The following DSE variants were observed in gnomAD, a reference collection of about 807,000 sequenced individuals.
DSE encodes the protein dermatan-sulfate epimerase.
In DSE, 36 loss-of-function variants were observed where a neutral mutation model predicts 84.4. That is an observed-to-expected ratio of 0.43 (90% CI 0.33 to 0.56). The LOEUF (loss-of-function observed/expected upper bound fraction) is 0.56. Among genes scored for constraint, DSE ranks in the 20% least tolerant of loss-of-function variants. DSE has a pLI of 0.06. For synonymous variants in DSE, 410 were observed against 430.1 expected (o/e 0.95, Z 0.58); for missense variants, 862 against 1,169.6 (o/e 0.74, Z 3.84).
chr6:116,272,858 T>G (rs577932206), intron 2 of DSE, among the ~76,000 whole-genome samples: 1 of 152,364 alleles, frequency 6.6e-6, no homozygotes, highest in Non-Finnish European at 1.5e-5. Context: ...ATGGAAATTT[T>G]AATTGATTGC....
rs936531676 is a variant in DSE, at chr6:116,443,818, A to G, written c.*6473A>G. On this transcript the variant is annotated 3_prime_UTR_variant, in exon 6 of 6. Coordinates refer to ENST00000644252, the MANE Select transcript of DSE (RefSeq NM_013352.4). The stretch of plus-strand genomic sequence containing the variant: ...ATTTAGGAATTCTTTTCTGAACAAA[A>G]AAACGTTTTCAATGGTCTAGGCACT... 2.0e-5 allele frequency: 3 copies of G among 152,194 alleles called. No homozygotes were observed. The highest frequency in any genetic ancestry group is 4.8e-5 in the African/African-American group (2 of 41,446). 9.4% of individuals were successfully genotyped at this position (152,194 alleles called of 1,614,324 possible).
At chr6:116,254,734 A>G (rs1038671170) in intron 1 of DSE, 1 of 154,372 alleles carries the variant, frequency 6.5e-6, no homozygotes, top group Non-Finnish European at 1.4e-5. Context: ...TTCCTTACGT[A>G]GAGGTGACTG....
chr6:116,415,959 G>C (rs917683219), intron 2 of DSE, among the ~76,000 whole-genome samples: 3 of 152,186 alleles, frequency 2.0e-5, no homozygotes, highest in African/African-American at 7.2e-5. Context: ...GTGTAACACA[G>C]GGCTAAAATC....
intron 2 of DSE, among the ~76,000 whole-genome samples, chr6:116,318,264 T>C (rs532476068): frequency 1.2e-4 from 19 of 152,130 alleles, no homozygotes; most frequent in Admixed American, 1.2e-3. Flanking sequence ...CCCAACACTT[T>C]GGGAGGCCAA....
Position 116,386,664 on chromosome 6 carries a change from T to C in DSE, c.-53-12534T>C, listed in dbSNP as rs541287516. On this transcript the variant is annotated intron_variant, in intron 1 of 5. Transcript: ENST00000644252. ...GACTCCAGCCTCTCCAGAGCAAAGA[T>C]AGGAGTTTATCATGAGTCATCTAGT... Among the ~76,000 whole-genome samples, 28 of 152,330 alleles carry C rather than the reference T, an allele frequency of 1.8e-4. 1 individual carries two copies. In the South Asian group the frequency reaches 5.0e-3, roughly 27 times the overall value.
intron 2 of DSE, among the ~76,000 whole-genome samples, chr6:116,354,771 C>T (rs758347119): frequency 3.9e-5 from 6 of 152,016 alleles, no homozygotes; most frequent in Non-Finnish European, 8.8e-5. Context: ...ACAGTTTTTC[C>T]TGTAATTATA....
intron 2 of DSE, among the ~76,000 whole-genome samples, chr6:116,333,496 C>A (rs1357982902): frequency 6.6e-6 from 1 of 152,156 alleles, no homozygotes; most frequent in Non-Finnish European, 1.5e-5. Flanking sequence ...TTGTAAACTC[C>A]CCATCTCCCA....
At chr6:116,318,379 G>T (rs1776113448) in intron 2 of DSE, among the ~76,000 whole-genome samples, 1 of 152,168 alleles carries the variant, frequency 6.6e-6, no homozygotes, top group Non-Finnish European at 1.5e-5. Flanking sequence ...AGTGGTGGGT[G>T]CCTGTAGTCC....
chr6:116,382,629 G>T (rs1780309020), intron 1 of DSE, among the ~76,000 whole-genome samples: 1 of 152,154 alleles, frequency 6.6e-6, no homozygotes, highest in African/African-American at 2.4e-5. Flanking sequence ...TGGGTGATAT[G>T]TCACTGTCCA....
chr6:116,403,076 G>T (rs1301365383), intron 2 of DSE, among the ~76,000 whole-genome samples: 1 of 152,132 alleles, frequency 6.6e-6, no homozygotes, highest in African/African-American at 2.4e-5. Context: ...AATGGTGATT[G>T]AAAAATAACA....
rs61302852 is a variant in DSE, at chr6:116,372,615, T to C, written c.-54+1494T>C. 4.2e-3 allele frequency among the ~76,000 whole-genome samples: 643 copies of C among 152,346 alleles called. 7 individuals are homozygous for C. The highest frequency in any genetic ancestry group is 0.015 in the African/African-American group (613 of 41,582). On this transcript the variant is annotated intron_variant, in intron 1 of 5. Transcript: ENST00000644252. ...TAGGATTATCTGAGTATTTGTTTCA[T>C]GCAAATACTTAGATTTCTGTATTGT...
chr6:116,258,752 G>A (rs764818008), exon 2 of DSE: 39 of 1,609,068 alleles, frequency 2.4e-5, no homozygotes, highest in South Asian at 6.6e-5. Context: ...GAGTCCTCCC[G>A]GGGACCACTG....
At chr6:116,419,502 T>C (rs1281900131) in intron 2 of DSE, among the ~76,000 whole-genome samples, 1 of 152,230 alleles carries the variant, frequency 6.6e-6, no homozygotes, top group African/African-American at 2.4e-5. Flanking sequence ...TTAGAATGAA[T>C]AGAATAATTT....
chr6:116,418,016 T>C (rs1040623051), intron 2 of DSE, among the ~76,000 whole-genome samples: 2 of 152,044 alleles, frequency 1.3e-5, no homozygotes, highest in African/African-American at 4.8e-5. Context: ...AGCAGGGGCT[T>C]AGTAGAGCCA....
intron 1 of DSE, among the ~76,000 whole-genome samples, chr6:116,383,550 A>T (rs1780379318): frequency 1.3e-5 from 2 of 152,242 alleles, no homozygotes; most frequent in Admixed American, 6.5e-5. Flanking sequence ...GAACTTGTGC[A>T]TGCACACAGA....
chr6:116,278,473 A>C (rs1773271115), intron 2 of DSE: 2 of 1,612,358 alleles, frequency 1.2e-6, no homozygotes. Flanking sequence ...GTCCAGCAGA[A>C]GGTGGTAGGA....
chr6:116,335,844 C>A (rs949577859), intron 2 of DSE, among the ~76,000 whole-genome samples: 1 of 152,238 alleles, frequency 6.6e-6, no homozygotes, highest in African/African-American at 2.4e-5. Context: ...AGCTCTTTGA[C>A]TAGTTGCTGT....
At chr6:116,402,637 G>T (rs1781667911) in intron 2 of DSE, among the ~76,000 whole-genome samples, 1 of 152,022 alleles carries the variant, frequency 6.6e-6, no homozygotes, top group Admixed American at 6.6e-5. Context: ...GTATATGTAG[G>T]CTCCAAGGAA....
intron 2 of DSE, among the ~76,000 whole-genome samples, chr6:116,274,019 G>A (rs1444721156): frequency 3.3e-5 from 5 of 150,806 alleles, no homozygotes; most frequent in Admixed American, 6.6e-5. Flanking sequence ...TAGTAGAGAC[G>A]GGGTTTCACC....
Sources: allele counts gnomAD v4.1 joint callset (sites outside exome capture counted in the v4.1 genomes callset), GRCh38; gene constraint gnomAD v4.1.1; transcripts MANE v1.5; gene names NCBI Gene and HGNC (gene_info 2026-07-23, HGNC 2026-07-21).